Variants in MTHFD1 observed in about 807,000 individuals in gnomAD.
The protein encoded by MTHFD1 is C-1-tetrahydrofolate synthase, cytoplasmic.
In MTHFD1, 44 loss-of-function variants were observed where a neutral mutation model predicts 110.3. The ratio of observed to expected loss-of-function variants is 0.40; its 90% confidence interval spans 0.31 to 0.51. The LOEUF is 0.51. Among genes scored for constraint, MTHFD1 ranks in the 20% least tolerant of loss-of-function variants. The pLI, the probability that MTHFD1 is intolerant of heterozygous loss-of-function variation, is 0.60. For missense variants in MTHFD1, 909 were observed against 1,173.1 expected (o/e 0.77, Z 3.29); for synonymous variants, 402 against 428.8 (o/e 0.94, Z 0.77).
intron 2 of MTHFD1, among the ~76,000 whole-genome samples, chr14:64,404,477 CA>C (rs1387871081): frequency 6.6e-6 from 1 of 152,164 alleles, no homozygotes; most frequent in African/African-American, 2.4e-5. Flanking sequence ...GGGAGATATT[CA>C]ATACATATTT....
intron 16 of MTHFD1, 100 bp downstream of exon 16, chr14:64,435,771 T>C (rs1450808752): frequency 2.5e-6 from 2 of 790,328 alleles, no homozygotes; most frequent in Non-Finnish European, 4.5e-6. Context: ...AGCTTCCATG[T>C]TGGTATTTTA....
At chr14:64,429,423 C>T (rs2078142327) in intron 12 of MTHFD1, among the ~76,000 whole-genome samples, 1 of 151,696 alleles carries the variant, frequency 6.6e-6, no homozygotes, top group South Asian at 2.1e-4. Context: ...CTTGATCTCC[C>T]AGGCTAGGAC....
chr14:64,458,547 G>T, intron 27 of MTHFD1: 1 of 533,558 alleles, frequency 1.9e-6, no homozygotes, highest in Non-Finnish European at 3.4e-6. Context: ...GGTTGACAGT[G>T]TAGGGGAGAA....
Position 64,458,322 on chromosome 14 carries a change from G to GCTTTTTTCCTCAT in MTHFD1, c.*4+15_*4+16insCTTTTTTCCTCAT, listed in dbSNP as rs1288282267. 6.3e-6 allele frequency: 10 copies of GCTTTTTTCCTCAT among 1,581,130 alleles called. No individual in the cohort carries two copies. Among genetic ancestry groups the GCTTTTTTCCTCAT allele is most frequent in the Non-Finnish European group, 8.7e-6 (10 of 1,150,206 alleles). On this transcript the variant is annotated intron_variant, in intron 27 of 27. Transcript: ENST00000652337. ...ATTCTAAACAGGTAAGTTGTTACTG[G>GCTTTTTTCCTCAT]GTAATAATTTGGCTTTTTTCCTCAT...
At chr14:64,411,063 C>A in intron 2 of MTHFD1, 27 bp from the exon 3 acceptor site, 1 of 1,540,470 alleles carries the variant, frequency 6.5e-7, no homozygotes, top group Non-Finnish European at 9.0e-7. Flanking sequence ...CCCTAATCAT[C>A]TGATTTGCAT....
intron 2 of MTHFD1, among the ~76,000 whole-genome samples, chr14:64,405,500 G>A (rs192523063): frequency 9.8e-4 from 149 of 152,256 alleles, no homozygotes; most frequent in African/African-American, 3.3e-3. Context: ...CAGACCTCTA[G>A]TCTTTTTCGC....
chr14:64,396,504 G>T (rs1175006024), intron 1 of MTHFD1, among the ~76,000 whole-genome samples: 1 of 148,722 alleles, frequency 6.7e-6, no homozygotes, highest in Admixed American at 6.8e-5. Flanking sequence ...CGATTCCCGT[G>T]CCTCAGCCTC....
intron 23 of MTHFD1, chr14:64,449,121 A>G (rs754309517): frequency 2.6e-6 from 1 of 390,962 alleles, no homozygotes; most frequent in South Asian, 2.2e-5. Flanking sequence ...AAATGCTAGT[A>G]TTTACTGATT....
chr14:64,458,230 G>A lies in MTHFD1; in HGVS notation c.2735G>A (p.Gly912Glu). The A allele has an allele frequency of 6.2e-7, 1 of 1,612,458 alleles. No homozygotes were observed. The highest frequency in any genetic ancestry group is 8.5e-7 in the Non-Finnish European group (1 of 1,178,596). The change falls in exon 27 of 28, where the codon GGA becomes GAA. Residue 912 changes from glycine (G) to glutamate (E), a missense_variant. This residue lies in a region of MTHFD1 where 482 missense variants were observed against 646.0 expected (regional missense o/e 0.75). Coordinates refer to ENST00000652337, the MANE Select transcript of MTHFD1 (RefSeq NM_005956.4). ...ACATCCTAGATGAGCACAATGCCTG[G>A]ACTCCCCACCCGGCCCTGTTTTTAT... is the stretch of plus-strand genomic sequence containing the variant. ...PLVGTMSTMP[G>E]LPTRPCFYDI... is the part of the protein sequence containing the mutation.
chr14:64,416,681 C>A (rs1053853145), intron 6 of MTHFD1, among the ~76,000 whole-genome samples: 1 of 152,110 alleles, frequency 6.6e-6, no homozygotes, highest in African/African-American at 2.4e-5. Context: ...CTGTGGTTGG[C>A]AAGAAAAGGT....
Position 64,411,088 on chromosome 14 carries a change from AG to A in MTHFD1, c.127del, listed in dbSNP as rs1389319485. 6.2e-7 allele frequency: 1 copy of A among 1,606,096 alleles called. No individual in the cohort carries two copies. Among genetic ancestry groups the A allele is most frequent in the Admixed American group, 1.7e-5 (1 of 60,018 alleles). ...CTGATTTGCATGCATTTATTATTCTAGGTTGGCAACAGAGATGATTCCAATC... is the reference window on the plus strand; with the variant it reads ...CTGATTTGCATGCATTTATTATTCTAGTTGGCAACAGAGATGATTCCAATC... On this transcript the variant is annotated splice_acceptor_variant, in intron 2 of 27. Transcript: ENST00000652337. LOFTEE classifies it high-confidence loss of function.
chr14:64,443,262 A>G (rs1025851727), intron 21 of MTHFD1, among the ~76,000 whole-genome samples: 2 of 152,244 alleles, frequency 1.3e-5, no homozygotes, highest in Admixed American at 1.3e-4. Flanking sequence ...CATATGGGTT[A>G]TAGCTATTGA....
Position 64,448,602 on chromosome 14 carries a change from C to T in MTHFD1, c.2279+285C>T, listed in dbSNP as rs1475611255. Reference sequence around the variant, plus strand: ...ATGTTCCTTTTTCATCTTTAGAGGCCTTTTATGCTAACAGAAGGTCATAGG... The same window carrying T: ...ATGTTCCTTTTTCATCTTTAGAGGCTTTTTATGCTAACAGAAGGTCATAGG... On this transcript the variant is annotated intron_variant, in intron 23 of 27. Transcript: ENST00000652337. The T allele has an allele frequency of 2.1e-5, 9 of 436,764 alleles. No homozygotes were observed. The East Asian group carries it at 4.4e-4, about 21-fold the overall frequency. 27.1% of individuals were successfully genotyped at this position (436,764 alleles called of 1,614,324 possible).
intron 10 of MTHFD1, 69 bp downstream of exon 10, chr14:64,425,896 T>C: frequency 6.4e-7 from 1 of 1,570,098 alleles, no homozygotes; most frequent in South Asian, 1.1e-5. Flanking sequence ...ATACTGTGGG[T>C]TCACATATGC....
intron 1 of MTHFD1, among the ~76,000 whole-genome samples, chr14:64,393,709 G>C (rs2077825323): frequency 1.3e-5 from 2 of 152,200 alleles, no homozygotes; most frequent in Admixed American, 6.5e-5. Flanking sequence ...GGATCAGGCA[G>C]TTTGGGATTT....
intron 19 of MTHFD1, 98 bp downstream of exon 19, chr14:64,441,551 A>G (rs1269016601): frequency 5.3e-6 from 6 of 1,125,580 alleles, no homozygotes; most frequent in African/African-American, 1.5e-5. Context: ...TCACACCTGT[A>G]ATCCCAGCAC....
chr14:64,450,543 T>C (rs2078354225), intron 24 of MTHFD1, among the ~76,000 whole-genome samples: 1 of 152,206 alleles, frequency 6.6e-6, no homozygotes, highest in Non-Finnish European at 1.5e-5. Context: ...AAGGTTCTTA[T>C]TATAGGGTTG....
chr14:64,458,651 A>G (rs1445643209), intron 27 of MTHFD1: 1 of 372,728 alleles, frequency 2.7e-6, no homozygotes, highest in Non-Finnish European at 5.1e-6. Context: ...AGTTGATGAC[A>G]CATTGCAGGT....
At chr14:64,412,403 C>A (rs932940478) in intron 3 of MTHFD1, 69 bp from the exon 4 acceptor site, 9 of 1,154,854 alleles carry the variant, frequency 7.8e-6, no homozygotes, top group Non-Finnish European at 1.2e-5. Context: ...TTAGTCATGT[C>A]TGTAAAAGAA....
Sources: allele counts gnomAD v4.1 joint callset (sites outside exome capture counted in the v4.1 genomes callset), GRCh38; gene constraint gnomAD v4.1.1; regional missense constraint gnomAD v4.1.1; transcripts MANE v1.5; gene names NCBI Gene and HGNC (gene_info 2026-07-23, HGNC 2026-07-21).